AUTS2: variants seen among roughly 807,000 people sequenced by gnomAD.
The protein encoded by AUTS2 is activator of transcription and developmental regulator AUTS2, also known as autism susceptibility gene 2 protein.
AUTS2 carries 17 observed loss-of-function variants against 112.4 expected under a neutral mutation model. That is an observed-to-expected ratio of 0.15 (90% CI 0.10 to 0.23). The LOEUF (loss-of-function observed/expected upper bound fraction) is 0.23. Ranked by LOEUF, AUTS2 falls within the 10% of genes least tolerant of loss-of-function variation. AUTS2 has a pLI of 1.00. For missense variants in AUTS2, 1,510 were observed against 1,701.6 expected (o/e 0.89, Z 1.98); for synonymous variants, 751 against 702.7 (o/e 1.07, Z -1.09).
At chr7:70,638,307 TA>T (rs1383091255) in intron 5 of AUTS2, among the ~76,000 whole-genome samples, 4 of 152,156 alleles carry the variant, frequency 2.6e-5, no homozygotes, top group African/African-American at 9.7e-5. Context: ...TCCCGAACAG[TA>T]AACCCCAGCT....
intron 5 of AUTS2, among the ~76,000 whole-genome samples, chr7:70,485,684 T>C (rs191599234): frequency 6.6e-6 from 1 of 152,324 alleles, no homozygotes; most frequent in Non-Finnish European, 1.5e-5. Flanking sequence ...GAGACTCATA[T>C]GTGTGTTTCC....
chr7:70,112,022 G>C (rs1442135551), intron 2 of AUTS2, among the ~76,000 whole-genome samples: 1 of 151,388 alleles, frequency 6.6e-6, no homozygotes, highest in Non-Finnish European at 1.5e-5. Context: ...ACCTATACTT[G>C]CCTTTTTGTC....
intron 2 of AUTS2, among the ~76,000 whole-genome samples, chr7:69,966,066 G>A (rs1336630628): frequency 6.6e-6 from 1 of 152,156 alleles, no homozygotes; most frequent in African/African-American, 2.4e-5. Flanking sequence ...ATGCTTAAAT[G>A]AAGCTGCTGC....
At chr7:70,716,513 G>T (rs1375748803) in intron 6 of AUTS2, among the ~76,000 whole-genome samples, 1 of 151,790 alleles carries the variant, frequency 6.6e-6, no homozygotes, top group African/African-American at 2.4e-5. Flanking sequence ...GGCGCCTGTA[G>T]TCCCAGCTAC....
intron 1 of AUTS2, among the ~76,000 whole-genome samples, chr7:69,602,020 G>GTGTA (rs1486667901): frequency 1.5e-5 from 1 of 68,382 alleles, no homozygotes; most frequent in Non-Finnish European, 3.2e-5. Flanking sequence ...ATGTGTGTGT[G>GTGTA]TATATATATA....
intron 5 of AUTS2, among the ~76,000 whole-genome samples, chr7:70,469,437 A>G (rs547539463): frequency 6.6e-6 from 1 of 152,264 alleles, no homozygotes. Context: ...AGCAAGAGCA[A>G]AGGCCCTGAG....
At chr7:69,663,965 G>C (rs1210336010) in intron 1 of AUTS2, among the ~76,000 whole-genome samples, 1 of 152,172 alleles carries the variant, frequency 6.6e-6, no homozygotes, top group Non-Finnish European at 1.5e-5. Context: ...ATTTGTTTTA[G>C]ACATTTAAAC....
intron 4 of AUTS2, among the ~76,000 whole-genome samples, chr7:70,195,629 C>T (rs748183826): frequency 3.3e-5 from 5 of 152,154 alleles, no homozygotes; most frequent in East Asian, 1.9e-4. Flanking sequence ...CCAGCCTGCA[C>T]GACACAGTGA....
intron 2 of AUTS2, among the ~76,000 whole-genome samples, chr7:70,098,605 A>AT (rs1403477044): frequency 2.0e-5 from 3 of 151,774 alleles, no homozygotes; most frequent in African/African-American, 4.8e-5. Flanking sequence ...GAAAGGGATG[A>AT]TTTTTTACTT....
At chr7:70,615,565 C>CTTCTTGTTGTTG in intron 5 of AUTS2, among the ~76,000 whole-genome samples, 1 of 148,590 alleles carries the variant, frequency 6.7e-6, no homozygotes, top group South Asian at 2.2e-4. Flanking sequence ...AGATTTATGG[C>CTTCTTGTTGTTG]TTGTTGTTGT....
chr7:70,021,202 G>A (rs897309764), intron 2 of AUTS2, among the ~76,000 whole-genome samples: 1 of 151,870 alleles, frequency 6.6e-6, no homozygotes, highest in Non-Finnish European at 1.5e-5. Context: ...GGCTGGTCTC[G>A]AACTCCTGAC....
At chr7:70,545,944 GTTAAT>G (rs1479641175) in intron 5 of AUTS2, among the ~76,000 whole-genome samples, 34 of 152,152 alleles carry the variant, frequency 2.2e-4, no homozygotes, top group Admixed American at 2.2e-3. Flanking sequence ...TTGCACAGGA[GTTAAT>G]TTAACTACTT....
At chr7:70,491,589 TTGTGTGTGTGTGTG>T (rs71077660) in intron 5 of AUTS2, among the ~76,000 whole-genome samples, 8 of 138,798 alleles carry the variant, frequency 5.8e-5, no homozygotes, top group East Asian at 2.1e-4. Flanking sequence ...TGTATATATA[TTGTGTGTGTGTGTG>T]TGTGTGTGTG....
At chr7:70,444,775 A>G (rs1289078008) in intron 5 of AUTS2, among the ~76,000 whole-genome samples, 2 of 151,974 alleles carry the variant, frequency 1.3e-5, no homozygotes, top group Non-Finnish European at 2.9e-5. Context: ...ACCAGGCTTG[A>G]CTCATATACT....
rs988315281 is a variant in AUTS2 at position 70,518,656 on chromosome 7, C to G, written c.690+82875C>G. Among the ~76,000 whole-genome samples, 3 of 150,942 alleles carry G rather than the reference C, an allele frequency of 2.0e-5. No homozygotes were observed. In the East Asian group the frequency reaches 5.9e-4, roughly 30 times the overall value. ...CGAGATCGCGCCACTGCACTCCAGC[C>G]TGGGCGACAGAGTGAGACTCCGTCT... On this transcript the variant is annotated intron_variant, in intron 5 of 18. Coordinates refer to ENST00000342771, the MANE Select transcript of AUTS2 (RefSeq NM_015570.4).
chr7:70,308,413 T>C (rs1304906459), intron 4 of AUTS2, among the ~76,000 whole-genome samples: 2 of 152,192 alleles, frequency 1.3e-5, no homozygotes, highest in South Asian at 2.1e-4. Flanking sequence ...AGCAAATTGA[T>C]TAGATCACTT....
At chr7:70,104,574 G>T (rs1804671127) in intron 2 of AUTS2, among the ~76,000 whole-genome samples, 1 of 152,154 alleles carries the variant, frequency 6.6e-6, no homozygotes, top group South Asian at 2.1e-4. Context: ...ATGTCTTGCT[G>T]TGTTTTTAAT....
At chr7:69,887,591 G>GGT (rs1054072253) in intron 1 of AUTS2, among the ~76,000 whole-genome samples, 1 of 152,104 alleles carries the variant, frequency 6.6e-6, no homozygotes, top group East Asian at 1.9e-4. Flanking sequence ...TTAAAGTGAA[G>GGT]GTGTGATAGT....
chr7:70,493,690 A>C (rs1191575170), intron 5 of AUTS2, among the ~76,000 whole-genome samples: 1 of 152,174 alleles, frequency 6.6e-6, no homozygotes, highest in East Asian at 1.9e-4. Flanking sequence ...GTGAATTCTA[A>C]TATAGGAATT....
Sources: gnomAD v4.1 joint callset for allele counts (sites outside exome capture counted in the v4.1 genomes callset) on GRCh38, gnomAD v4.1.1 for gene constraint, MANE v1.5 for transcripts, NCBI Gene and HGNC (gene_info 2026-07-23, HGNC 2026-07-21) for gene names.